RARB: variants seen among roughly 807,000 people sequenced by gnomAD.
The protein encoded by RARB is retinoic acid receptor beta.
A neutral mutation model predicts 51.9 loss-of-function variants in RARB; 17 were observed. That is an observed-to-expected ratio of 0.33 (90% confidence interval 0.22 to 0.49). The LOEUF is 0.49. Ranked by LOEUF, RARB falls within the 20% of genes least tolerant of loss-of-function variation. RARB has a pLI of 0.99. For synonymous variants in RARB, 215 were observed against 195.4 expected, an observed-to-expected ratio of 1.10 and a Z score of -0.84; for missense variants, 369 against 550.8, an observed-to-expected ratio of 0.67 and a Z score of 3.30.
intron 5 of RARB, among the ~76,000 whole-genome samples, chr3:25,373,740 T>C (rs984134966): frequency 6.6e-6 from 1 of 152,134 alleles, no homozygotes; most frequent in East Asian, 1.9e-4. Context: ...CCACAGAACC[T>C]CTCACACTCC....
intron 3 of RARB, among the ~76,000 whole-genome samples, chr3:25,523,520 TAG>T (rs1049988246): frequency 5.3e-5 from 8 of 152,202 alleles, no homozygotes; most frequent in African/African-American, 1.9e-4. Context: ...GTGCTGGAAA[TAG>T]AACCTGGCTG....
chr3:25,580,491 C>G, intron 4 of RARB, 55 bp from the exon 5 acceptor site: 1 of 1,420,664 alleles, frequency 7.0e-7, no homozygotes, highest in African/African-American at 1.4e-5. Context: ...GAATTTCTCC[C>G]CTCCTATAGA....
At chr3:25,165,732 G>T (rs181723617) in intron 4 of RARB, among the ~76,000 whole-genome samples, 81 of 152,262 alleles carry the variant, frequency 5.3e-4, no homozygotes, top group African/African-American at 1.9e-3. Flanking sequence ...CCTGACTTCA[G>T]CATGTGTGTG....
chr3:25,056,510 C>G (rs1229944761), intron 2 of RARB, among the ~76,000 whole-genome samples: 1 of 152,020 alleles, frequency 6.6e-6, no homozygotes, highest in Non-Finnish European at 1.5e-5. Flanking sequence ...ATACAGAAAG[C>G]AAATATAAAA....
intron 3 of RARB, among the ~76,000 whole-genome samples, chr3:25,093,701 G>A (rs757049061): frequency 5.3e-5 from 8 of 151,862 alleles, no homozygotes; most frequent in Non-Finnish European, 1.2e-4. Context: ...ATGTCTTTAC[G>A]GGGTTTTTTT....
At chr3:25,484,233 A>G (rs1160690162) in intron 2 of RARB, among the ~76,000 whole-genome samples, 1 of 152,178 alleles carries the variant, frequency 6.6e-6, no homozygotes, top group African/African-American at 2.4e-5. Flanking sequence ...CGAGGAGGAA[A>G]GAGGTGTCTT....
intron 5 of RARB, among the ~76,000 whole-genome samples, chr3:25,370,121 G>T (rs76838940): frequency 0.035 from 5,333 of 151,966 alleles, 128 homozygotes; most frequent in Middle Eastern, 0.065. Flanking sequence ...TAGATATGTA[G>T]GTATGACTTA....
At chr3:25,441,425 C>A in intron 1 of RARB, 1 of 192,976 alleles carries the variant, frequency 5.2e-6, no homozygotes, top group South Asian at 8.7e-5. Flanking sequence ...AATGAGGTTT[C>A]TCCACCCCGC....
intron 5 of RARB, among the ~76,000 whole-genome samples, chr3:25,207,157 A>C (rs190794976): frequency 2.0e-5 from 3 of 152,302 alleles, no homozygotes; most frequent in East Asian, 3.9e-4. Context: ...TTTTGATTGA[A>C]GATTTTGCTC....
chr3:25,138,389 C>T (rs983897400), intron 4 of RARB, among the ~76,000 whole-genome samples: 2 of 149,152 alleles, frequency 1.3e-5, no homozygotes, highest in South Asian at 4.2e-4. Context: ...CTAGGTTGAA[C>T]ATTGCTTTAA....
At chr3:25,579,949 C>T (rs1241872435) in intron 4 of RARB, among the ~76,000 whole-genome samples, 1 of 152,222 alleles carries the variant, frequency 6.6e-6, no homozygotes, top group African/African-American at 2.4e-5. Context: ...GCCATTCATT[C>T]ATCAGAGTTA....
intron 5 of RARB, among the ~76,000 whole-genome samples, chr3:25,375,564 T>C (rs1488417116): frequency 6.6e-6 from 1 of 152,188 alleles, no homozygotes; most frequent in Non-Finnish European, 1.5e-5. Context: ...TTTTAATGGA[T>C]AATGGGACTG....
At chr3:25,061,740 A>G (rs1159525217) in intron 3 of RARB, among the ~76,000 whole-genome samples, 1 of 151,856 alleles carries the variant, frequency 6.6e-6, no homozygotes, top group East Asian at 1.9e-4. Flanking sequence ...GGTGTTTTAT[A>G]CTAGTTAAGT....
chr3:25,018,497 T>C (rs1697562162), intron 2 of RARB, among the ~76,000 whole-genome samples: 1 of 152,184 alleles, frequency 6.6e-6, no homozygotes, highest in African/African-American at 2.4e-5. Flanking sequence ...CTCAAAGTCT[T>C]GATGATTAGA....
chr3:25,076,153 T>C (rs1009755962), intron 3 of RARB, among the ~76,000 whole-genome samples: 1 of 152,094 alleles, frequency 6.6e-6, no homozygotes, highest in Non-Finnish European at 1.5e-5. Context: ...TTTATTTTTT[T>C]TTTTTTTAGA....
chr3:25,085,164 T>C (rs879545307), intron 3 of RARB, among the ~76,000 whole-genome samples: 1 of 152,162 alleles, frequency 6.6e-6, no homozygotes, highest in Non-Finnish European at 1.5e-5. Flanking sequence ...ACTGAATTAT[T>C]TTATCAGTTG....
intron 3 of RARB, among the ~76,000 whole-genome samples, chr3:25,085,497 T>A (rs1699089055): frequency 6.6e-6 from 1 of 152,064 alleles, no homozygotes; most frequent in South Asian, 2.1e-4. Flanking sequence ...CTACCTACCC[T>A]CCTTTCTCTT....
chr3:24,983,605 C>A (rs1224610158), intron 2 of RARB, among the ~76,000 whole-genome samples: 2 of 152,096 alleles, frequency 1.3e-5, no homozygotes, highest in African/African-American at 2.4e-5. Flanking sequence ...CGTTGTTCAA[C>A]CCCCACTTAT....
intron 5 of RARB, among the ~76,000 whole-genome samples, chr3:25,191,487 G>T (rs1701102145): frequency 1.3e-5 from 2 of 152,154 alleles, no homozygotes; most frequent in Admixed American, 1.3e-4. Context: ...CTTTGACCAG[G>T]GAGATTCTGA....
Sources: allele counts gnomAD v4.1 joint callset (sites outside exome capture counted in the v4.1 genomes callset), GRCh38; gene constraint gnomAD v4.1.1; transcripts MANE v1.5; gene names NCBI Gene and HGNC (gene_info 2026-07-23, HGNC 2026-07-21).